The following LARS1 variants were observed in gnomAD, a reference collection of about 807,000 sequenced individuals.
LARS1 encodes the protein leucyl-tRNA synthetase 1, also known as leucine--tRNA ligase, cytoplasmic.
In LARS1, 100 loss-of-function variants were observed where a neutral mutation model predicts 162.8. The observed-to-expected ratio is 0.61, with a 90% CI of 0.52 to 0.73. The LOEUF (loss-of-function observed/expected upper bound fraction) is 0.73. Ranked by LOEUF, LARS1 falls within the 30% of genes least tolerant of loss-of-function variation. LARS1 has a pLI of 0.00. For missense variants in LARS1, 1,258 were observed against 1,408.9 expected, an observed-to-expected ratio of 0.89 and a Z score of 1.71; for synonymous variants, 457 against 462.8, an observed-to-expected ratio of 0.99 and a Z score of 0.16.
At chr5:146,156,804 T>G (rs1242312177) in intron 10 of LARS1, among the ~76,000 whole-genome samples, 1 of 150,850 alleles carries the variant, frequency 6.6e-6, no homozygotes, top group Non-Finnish European at 1.5e-5. Flanking sequence ...CAGCTACAAT[T>G]CCAAATTTAG....
At chr5:146,175,684 C>T (rs1453723912) in intron 2 of LARS1, among the ~76,000 whole-genome samples, 8 of 151,834 alleles carry the variant, frequency 5.3e-5, no homozygotes, top group Admixed American at 1.3e-4. Context: ...AAAAATTAGC[C>T]GGGCATGGTG....
At chr5:146,144,048 TAA>T (rs1422060656) in intron 18 of LARS1, among the ~76,000 whole-genome samples, 1 of 152,076 alleles carries the variant, frequency 6.6e-6, no homozygotes, top group African/African-American at 2.4e-5. Context: ...AGTCTCTCCA[TAA>T]AAAAGTCACA....
chr5:146,164,474 G>C lies in LARS1; in HGVS notation c.433-3C>G. On this transcript the variant is annotated splice_region_variant and splice_polypyrimidine_tract_variant and intron_variant, in intron 5 of 31. Coordinates refer to ENST00000394434, the MANE Select transcript of LARS1 (RefSeq NM_020117.11). ...CCAGCTTTAGCAGCAGCTTTACTCT[G>C]AAAATAATGGAGAAAAATAAACTCG... The C allele has an allele frequency of 6.2e-7, 1 of 1,612,132 alleles. No individual in the cohort carries two copies. The highest frequency in any genetic ancestry group is 8.5e-7 in the Non-Finnish European group (1 of 1,179,404).
intron 2 of LARS1, among the ~76,000 whole-genome samples, chr5:146,174,207 T>C (rs1038473031): frequency 7.0e-6 from 1 of 142,048 alleles, no homozygotes; most frequent in African/African-American, 2.6e-5. Context: ...CCCAGCACTT[T>C]GGGAGGCGGA....
intron 31 of LARS1, among the ~76,000 whole-genome samples, chr5:146,119,216 T>A (rs1365553460): frequency 6.6e-6 from 1 of 152,172 alleles, no homozygotes; most frequent in Admixed American, 6.5e-5. Context: ...CAGCTCCTAA[T>A]GAACAGCACT....
chr5:146,138,379 T>C (rs1189897180), intron 21 of LARS1: 1 of 156,226 alleles, frequency 6.4e-6, no homozygotes, highest in East Asian at 1.9e-4. Context: ...CTCAAGGATT[T>C]AAACTAATGA....
intron 15 of LARS1, among the ~76,000 whole-genome samples, chr5:146,146,255 C>T (rs1000549273): frequency 3.3e-5 from 5 of 150,930 alleles, no homozygotes; most frequent in South Asian, 4.2e-4. Flanking sequence ...GCAGGAGAAT[C>T]GCTTGAGCCA....
At chr5:146,115,957 C>T (rs1373300318) in intron 31 of LARS1, among the ~76,000 whole-genome samples, 1 of 152,178 alleles carries the variant, frequency 6.6e-6, no homozygotes, top group African/African-American at 2.4e-5. Context: ...TTTAATGCAG[C>T]TGGCGGCCAT....
rs767999364 is a variant in LARS1 at position 146,131,047 on chromosome 5, G to A, written c.2459C>T (p.Ala820Val). ...QNYEKMMFKEALKTGFFEFQA... is the reference protein window; with the variant it reads ...QNYEKMMFKEVLKTGFFEFQA... Reference sequence around the variant, plus strand: ...AAACTCAAAAAACCCTGTTTTCAAAGCTTCTTTAAACATCATCTTTTCATA... The same window carrying A: ...AAACTCAAAAAACCCTGTTTTCAAAACTTCTTTAAACATCATCTTTTCATA... Residue 820 changes from alanine (A) to valine (V), a missense_variant, in exon 24 of 32, where the codon GCT becomes GTT. Coordinates refer to ENST00000394434, the MANE Select transcript of LARS1 (RefSeq NM_020117.11). 1 of 1,596,256 alleles carries A rather than the reference G, an allele frequency of 6.3e-7. No homozygotes were observed. The highest frequency in any genetic ancestry group is 1.3e-5 in the African/African-American group (1 of 74,110).
At chr5:146,161,438 C>T (rs1209883777) in intron 6 of LARS1, among the ~76,000 whole-genome samples, 2 of 152,116 alleles carry the variant, frequency 1.3e-5, no homozygotes, top group African/African-American at 2.4e-5. Flanking sequence ...ACTTTCAAAA[C>T]TGGGAGTGGG....
Position 146,182,602 on chromosome 5 carries a change from C to T in LARS1, c.-109G>A. On this transcript the variant is annotated 5_prime_UTR_variant, in exon 1 of 32. It removes the in-frame stop codon of an upstream open reading frame in the 5' UTR. Transcript: ENST00000394434. ...CGGGGATGCCAGGCCTCCCACGAAA[C>T]TAAAGCACACGCTTCACACCTGCTG... is the stretch of plus-strand genomic sequence containing the variant. The T allele has an allele frequency of 1.4e-6, 2 of 1,421,842 alleles. No individual in the cohort carries two copies. Among genetic ancestry groups the T allele is most frequent in the East Asian group, 4.5e-5 (2 of 43,982 alleles). The allele number at this position is 1,421,842 out of a possible 1,614,324, so 88.1% of individuals were successfully genotyped here.
chr5:146,151,751 C>T, intron 14 of LARS1, 111 bp downstream of exon 14: 1 of 1,012,966 alleles, frequency 9.9e-7, no homozygotes, highest in South Asian at 1.6e-5. Context: ...ATTAAGCTCT[C>T]AAATCAATGT....
chr5:146,139,332 G>T (rs1207020809), intron 21 of LARS1, among the ~76,000 whole-genome samples: 1 of 135,954 alleles, frequency 7.4e-6, no homozygotes, highest in Admixed American at 7.7e-5. Context: ...GAAAGAGTGA[G>T]ATTCCATCAC....
chr5:146,145,434 T>C (rs1752970096), intron 15 of LARS1, among the ~76,000 whole-genome samples: 1 of 151,918 alleles, frequency 6.6e-6, no homozygotes, highest in East Asian at 1.9e-4. Flanking sequence ...AAAAAAAAGA[T>C]ATACAAAGAC....
At chr5:146,124,908 T>A (rs1297104095) in intron 28 of LARS1, among the ~76,000 whole-genome samples, 2 of 151,866 alleles carry the variant, frequency 1.3e-5, no homozygotes, top group African/African-American at 2.4e-5. Flanking sequence ...AACATAATTT[T>A]AAAAATATAT....
chr5:146,154,606 C>T lies in LARS1; in HGVS notation c.1066-626G>A, dbSNP rs141936044. On this transcript the variant is annotated intron_variant, in intron 10 of 31. Coordinates refer to ENST00000394434, the MANE Select transcript of LARS1 (RefSeq NM_020117.11). ...CAGCCTGGGCAACATGGTGAAACCC[C>T]GTCTCTACTAAAATACAAAAAATTA... 1.5e-4 allele frequency among the ~76,000 whole-genome samples: 23 copies of T among 151,942 alleles called. No individual in the cohort carries two copies. The Middle Eastern group carries it at 0.01, about 67-fold the overall frequency.
chr5:146,164,543 A>G, intron 5 of LARS1, 72 bp from the exon 6 acceptor site: 1 of 1,400,874 alleles, frequency 7.1e-7, no homozygotes. Flanking sequence ...CCAAGATATT[A>G]ATGAATGTAA....
chr5:146,140,226 T>G lies in LARS1; in HGVS notation c.2126A>C (p.His709Pro), dbSNP rs940095401. Reference sequence around the variant, plus strand: ...TACCTTCTCAGAGTTCAGGAGGAGATGTCCATTTGCTCTCACAGCTGTAGG... The same window carrying G: ...TACCTTCTCAGAGTTCAGGAGGAGAGGTCCATTTGCTCTCACAGCTGTAGG... ...KWPTAVRANG[H>P]LLLNSEKMSK... Residue 709 changes from histidine (H) to proline (P), a missense_variant, in exon 21 of 32, where the codon CAT becomes CCT. Coordinates refer to ENST00000394434, the MANE Select transcript of LARS1 (RefSeq NM_020117.11). 8.7e-6 allele frequency: 14 copies of G among 1,612,274 alleles called. No individual in the cohort carries two copies. The highest frequency in any genetic ancestry group is 1.1e-5 in the Non-Finnish European group (13 of 1,178,248).
At position 146,149,606 on chromosome 5, in the gene LARS1, A is replaced by G; in HGVS notation, c.1503+16T>C. 1.3e-6 allele frequency: 2 copies of G among 1,588,848 alleles called. No homozygotes were observed. Among genetic ancestry groups the G allele is most frequent in the Non-Finnish European group, 1.7e-6 (2 of 1,157,134 alleles). ...GCTCTTCTAAAACAGCCTTCAGAGC[A>G]TAGCCTATCACATACAGCGTCAATC... On this transcript the variant is annotated intron_variant, in intron 15 of 31. Transcript: ENST00000394434.
Sources: allele counts gnomAD v4.1 joint callset (sites outside exome capture counted in the v4.1 genomes callset), GRCh38; gene constraint gnomAD v4.1.1; transcripts MANE v1.5; gene names NCBI Gene and HGNC (gene_info 2026-07-23, HGNC 2026-07-21).